Variants in PTPRU observed in about 807,000 individuals in gnomAD.
The protein encoded by PTPRU is protein tyrosine phosphatase receptor type U, also known as receptor-type tyrosine-protein phosphatase U.
Under a neutral mutation model 166.3 loss-of-function variants are expected in PTPRU, and 69 were observed. The ratio of observed to expected loss-of-function variants is 0.41; its 90% CI spans 0.34 to 0.51. The LOEUF (loss-of-function observed/expected upper bound fraction) is 0.51, where lower values mean the gene tolerates loss of function less well. PTPRU is among the 20% of genes least tolerant of loss of function. The probability of loss-of-function intolerance (pLI) is 0.09; values close to 1 mark genes in which losing one functional copy is unlikely to be tolerated. For synonymous variants in PTPRU, 793 were observed against 814.0 expected, an observed-to-expected ratio of 0.97 and a Z score of 0.44; for missense variants, 1,657 against 2,013.7, an observed-to-expected ratio of 0.82 and a Z score of 3.39.
At chr1:29,306,464 A>T (rs1276648638) in intron 18 of PTPRU, among the ~76,000 whole-genome samples, 1 of 152,240 alleles carries the variant, frequency 6.6e-6, no homozygotes, top group Non-Finnish European at 1.5e-5. Context: ...TGGGTGAGAC[A>T]GATAGACATG....
chr1:29,240,544 G>C (rs1294105195), intron 1 of PTPRU, among the ~76,000 whole-genome samples: 3 of 152,122 alleles, frequency 2.0e-5, no homozygotes, highest in Non-Finnish European at 4.4e-5. Flanking sequence ...GGAGGGTGGG[G>C]GATGGTGTTA....
chr1:29,248,253 G>A (rs992907300), intron 1 of PTPRU, among the ~76,000 whole-genome samples: 2 of 152,162 alleles, frequency 1.3e-5, no homozygotes, highest in Admixed American at 6.5e-5. Flanking sequence ...CAGGCAGGGA[G>A]GAGGTAGGGA....
intron 1 of PTPRU, among the ~76,000 whole-genome samples, chr1:29,254,793 A>G (rs1232192132): frequency 6.6e-6 from 1 of 152,166 alleles, no homozygotes; most frequent in Non-Finnish European, 1.5e-5. Context: ...AGGTGACAGA[A>G]CACTGAGTAA....
chr1:29,255,184 T>A, intron 1 of PTPRU, 91 bp from the exon 2 acceptor site: 1 of 1,450,548 alleles, frequency 6.9e-7, no homozygotes, highest in Non-Finnish European at 9.3e-7. Flanking sequence ...CAGGTGGGCC[T>A]GGGTAGAAGG....
chr1:29,295,861 AT>A (rs1038003790), intron 15 of PTPRU, among the ~76,000 whole-genome samples: 4 of 149,988 alleles, frequency 2.7e-5, no homozygotes, highest in East Asian at 2.0e-4. Flanking sequence ...TAATTTTTGT[AT>A]TTTTTTTTAG....
rs75867997 is a variant in PTPRU, at chr1:29,285,174, A to G, written c.2318+305A>G. On this transcript the variant is annotated intron_variant, in intron 14 of 29. Coordinates refer to ENST00000373779, the MANE Select transcript of PTPRU (RefSeq NM_133178.4). ...AGCTATGCCTGCTGGGACTGTTTCA[A>G]TAGGGAGGGCATAGAGGTGACCTGG... Among the ~76,000 whole-genome samples the G allele has an allele frequency of 7.0e-3, 1,068 of 152,244 alleles. 16 individuals carry two copies. Among genetic ancestry groups the G allele is most frequent in the African/African-American group, 0.024 (998 of 41,548 alleles).
intron 7 of PTPRU, among the ~76,000 whole-genome samples, chr1:29,269,466 G>A (rs1685466238): frequency 6.6e-6 from 1 of 151,306 alleles, no homozygotes; most frequent in Admixed American, 6.6e-5. Context: ...CCCACTTTGT[G>A]CTGGGCACTG....
chr1:29,318,979 G>C (rs143484070), intron 25 of PTPRU, among the ~76,000 whole-genome samples: 1 of 152,348 alleles, frequency 6.6e-6, no homozygotes, highest in Non-Finnish European at 1.5e-5. Flanking sequence ...GGAACTCCTT[G>C]GCAGGACAGT....
In PTPRU at chr1:29,255,367, A is replaced by C; in HGVS notation, c.166A>C (p.Ile56Leu). 1 of 1,614,106 alleles carries C rather than the reference A, an allele frequency of 6.2e-7. No individual in the cohort carries two copies. Among genetic ancestry groups the C allele is most frequent in the Non-Finnish European group, 8.5e-7 (1 of 1,180,010 alleles). ...YDDFQWEQVRIHPGTRAPADL... is the reference protein window; with the variant it reads ...YDDFQWEQVRLHPGTRAPADL... Reference sequence around the variant, plus strand: ...TGACTTCCAGTGGGAGCAAGTGCGAATCCACCCTGGCACCCGGGCACCTGC... The same window carrying C: ...TGACTTCCAGTGGGAGCAAGTGCGACTCCACCCTGGCACCCGGGCACCTGC... The change falls in exon 2 of 30, where the codon ATC (isoleucine) becomes CTC (leucine). Residue 56 changes from isoleucine to leucine, a missense_variant. By Grantham distance (5) the Ile-to-Leu change is conservative. Around this residue, in one of 3 missense-constraint regions of PTPRU, gnomAD observed 453 missense variants for 496.9 expected, o/e 0.91. Transcript: ENST00000373779.
intron 1 of PTPRU, among the ~76,000 whole-genome samples, chr1:29,249,153 C>T (rs571683813): frequency 1.2e-4 from 12 of 97,390 alleles, no homozygotes; most frequent in African/African-American, 3.6e-4. Flanking sequence ...CATGAGTGCA[C>T]GTGTGCACAC....
intron 1 of PTPRU, among the ~76,000 whole-genome samples, chr1:29,249,633 A>AC (rs1444206263): frequency 6.6e-6 from 1 of 151,956 alleles, no homozygotes; most frequent in Non-Finnish European, 1.5e-5. Flanking sequence ...TGTGCTGTGC[A>AC]CCTCTCTGAG....
At position 29,246,894 on chromosome 1, in the gene PTPRU, G is replaced by T. The variant is rs75998984; in HGVS notation, c.74-8381G>T. Reference sequence around the variant, plus strand: ...GCCTCTCAAAGTGCTGGGATTACGGGCATGAGCTACTGCGCCCAGCTCCAC... The same window carrying T: ...GCCTCTCAAAGTGCTGGGATTACGGTCATGAGCTACTGCGCCCAGCTCCAC... On this transcript the variant is annotated intron_variant, in intron 1 of 29. Transcript: ENST00000373779. Among the ~76,000 whole-genome samples the T allele has an allele frequency of 4.8e-3, 727 of 152,196 alleles. 5 individuals are homozygous for T. Among genetic ancestry groups the T allele is most frequent in the African/African-American group, 0.016 (673 of 41,518 alleles).
intron 2 of PTPRU, among the ~76,000 whole-genome samples, chr1:29,256,082 C>T (rs985416069): frequency 2.6e-5 from 4 of 152,166 alleles, no homozygotes; most frequent in African/African-American, 4.8e-5. Flanking sequence ...TGTCACTTAA[C>T]GTATCTGAGC....
intron 7 of PTPRU, among the ~76,000 whole-genome samples, chr1:29,267,682 C>T (rs1685364591): frequency 6.6e-6 from 1 of 152,156 alleles, no homozygotes; most frequent in Non-Finnish European, 1.5e-5. Flanking sequence ...TGAAGTTGAG[C>T]TGCAGATGTG....
At chr1:29,309,493 G>A (rs1289135928) in intron 18 of PTPRU, among the ~76,000 whole-genome samples, 1 of 152,168 alleles carries the variant, frequency 6.6e-6, no homozygotes, top group Non-Finnish European at 1.5e-5. Flanking sequence ...ACTTCCATTT[G>A]ATACACTTGA....
intron 7 of PTPRU, among the ~76,000 whole-genome samples, chr1:29,273,448 T>C (rs549775219): frequency 3.3e-5 from 5 of 152,264 alleles, no homozygotes; most frequent in Admixed American, 3.3e-4. Context: ...TTTGCGCTTT[T>C]AGTAGAGATG....
chr1:29,325,131 C>T lies in PTPRU; in HGVS notation c.4113-60C>T, dbSNP rs895363077. On this transcript the variant is annotated intron_variant, in intron 28 of 29. Coordinates refer to ENST00000373779, the MANE Select transcript of PTPRU (RefSeq NM_133178.4). Reference sequence around the variant, plus strand: ...CTGCCCCTCCCTCGTGGTTCCCTGGCCCTTTTCTTACCTTCAGGTTCCAAG... The same window carrying T: ...CTGCCCCTCCCTCGTGGTTCCCTGGTCCTTTTCTTACCTTCAGGTTCCAAG... 3.7e-6 allele frequency: 6 copies of T among 1,603,414 alleles called. No homozygotes were observed. The Admixed American group carries it at 6.7e-5, about 18-fold the overall frequency.
chr1:29,280,006 A>G lies in PTPRU; in HGVS notation c.1766-33A>G. 4 of 1,582,168 alleles carry G rather than the reference A, an allele frequency of 2.5e-6. No homozygotes were observed. The highest frequency in any genetic ancestry group is 3.5e-6 in the Non-Finnish European group (4 of 1,151,932). ...CCTGGTCTTCCTGGTCCAGTGGCCA[A>G]GCTCCAGCTTGTGACCCTGTCCCCT... On this transcript the variant is annotated intron_variant, in intron 10 of 29. Transcript: ENST00000373779. This position sits in a 1 kb window ranked among gnomAD's most constrained non-coding sequence, Gnocchi z 4.2.
intron 21 of PTPRU, among the ~76,000 whole-genome samples, chr1:29,312,094 AG>A (rs1317320341): frequency 6.6e-6 from 1 of 152,244 alleles, no homozygotes; most frequent in Non-Finnish European, 1.5e-5. Flanking sequence ...TGAGGCTCAG[AG>A]GGCTTATGCC....
Sources: gnomAD v4.1 joint callset for allele counts (sites outside exome capture counted in the v4.1 genomes callset) on GRCh38, gnomAD v4.1.1 for gene constraint, gnomAD v4.1.1 regional missense constraint, Gnocchi (gnomAD v3.1) non-coding constraint, MANE v1.5 for transcripts, NCBI Gene and HGNC (gene_info 2026-07-23, HGNC 2026-07-21) for gene names.